The following RPRD1B variants were observed in gnomAD, a reference collection of about 807,000 sequenced individuals.
RPRD1B encodes the protein regulation of nuclear pre-mRNA domain-containing protein 1B.
RPRD1B carries 11 observed loss-of-function variants against 41.5 expected under a neutral mutation model. The observed-to-expected ratio is 0.27, with a 90% CI of 0.17 to 0.44. The LOEUF is 0.44. Among genes scored for constraint, RPRD1B ranks in the 20% least tolerant of loss-of-function variants. The pLI is 1.00. For synonymous variants in RPRD1B, 158 were observed against 155.6 expected (o/e 1.02, Z -0.12); for missense variants, 248 against 389.9 (o/e 0.64, Z 3.06).
At position 38,090,751 on chromosome 20, in the gene RPRD1B, G is replaced by T; in HGVS notation, c.*876G>T. 3.0e-6 allele frequency: 3 copies of T among 985,526 alleles called. No homozygotes were observed. Among genetic ancestry groups the T allele is most frequent in the Non-Finnish European group, 3.6e-6 (3 of 829,976 alleles). The allele number at this position is 985,526 out of a possible 1,614,324, so 61.0% of individuals were successfully genotyped here. A position where few individuals can be genotyped will look rare whatever the true frequency, so the allele number is the denominator to read the frequency against. On this transcript the variant is annotated 3_prime_UTR_variant, in exon 7 of 7. Transcript: ENST00000373433. ...CCCACACACAGGTGTGCTGCATTTG[G>T]GATCTGTGTGGGTGTTTCTTGGACC...
At position 38,059,529 on chromosome 20, in the gene RPRD1B, G is replaced by A. The variant is rs1442269658; in HGVS notation, c.655+9G>A. 2 of 1,613,400 alleles carry A rather than the reference G, an allele frequency of 1.2e-6. No homozygotes were observed. Among genetic ancestry groups the A allele is most frequent in the Non-Finnish European group, 1.7e-6 (2 of 1,179,622 alleles). Reference sequence around the variant, plus strand: ...ATTGGAAAAAATAACAGGTGAGAAGGTAGAGTTTGGGTGAAAGGTGAGGAG... The same window carrying A: ...ATTGGAAAAAATAACAGGTGAGAAGATAGAGTTTGGGTGAAAGGTGAGGAG... On this transcript the variant is annotated intron_variant, in intron 5 of 6. Coordinates refer to ENST00000373433, the MANE Select transcript of RPRD1B (RefSeq NM_021215.4).
At chr20:38,049,666 C>T (rs540392292) in intron 3 of RPRD1B, 18 of 468,626 alleles carry the variant, frequency 3.8e-5, no homozygotes, top group Non-Finnish European at 7.1e-5. Flanking sequence ...CCTCACCTGG[C>T]CTATTTTTTT....
intron 6 of RPRD1B, among the ~76,000 whole-genome samples, chr20:38,088,719 C>G (rs943393000): frequency 6.6e-6 from 1 of 152,202 alleles, no homozygotes; most frequent in African/African-American, 2.4e-5. Context: ...GATTCATATT[C>G]TAGAGGAACA....
chr20:38,078,696 G>A (rs2074487103), intron 6 of RPRD1B, among the ~76,000 whole-genome samples: 2 of 152,128 alleles, frequency 1.3e-5, no homozygotes, highest in Non-Finnish European at 1.5e-5. Flanking sequence ...TGCCTTTGAT[G>A]GGGACTCTTT....
rs1217411604 is a variant in RPRD1B, at chr20:38,090,120, C to T, written c.*245C>T. ...AGACTACAGACTTTTTCTCCCACTT[C>T]ATATTTTCATGCCCCCCTGTTGGTT... On this transcript the variant is annotated 3_prime_UTR_variant, in exon 7 of 7. Coordinates refer to ENST00000373433, the MANE Select transcript of RPRD1B (RefSeq NM_021215.4). 3 of 1,211,414 alleles carry T rather than the reference C, an allele frequency of 2.5e-6. No individual in the cohort carries two copies. The highest frequency in any genetic ancestry group is 3.1e-6 in the Non-Finnish European group (3 of 971,038). 75.0% of individuals were successfully genotyped at this position (1,211,414 alleles called of 1,614,324 possible). A position where few individuals can be genotyped will look rare whatever the true frequency, so the allele number is the denominator to read the frequency against.
chr20:38,059,676 T>G (rs562009223), intron 5 of RPRD1B, among the ~76,000 whole-genome samples, 156 bp downstream of exon 5: 1 of 152,272 alleles, frequency 6.6e-6, no homozygotes, highest in African/African-American at 2.4e-5. Context: ...ACTCACATGG[T>G]GAACAAAGAA....
At chr20:38,069,813 C>G (rs1049615000) in intron 6 of RPRD1B, among the ~76,000 whole-genome samples, 1 of 152,164 alleles carries the variant, frequency 6.6e-6, no homozygotes, top group African/African-American at 2.4e-5. Context: ...ATAATTTGAT[C>G]AGATGCTTAT....
intron 5 of RPRD1B, among the ~76,000 whole-genome samples, chr20:38,060,252 G>C (rs1328448682): frequency 1.3e-5 from 2 of 152,184 alleles, no homozygotes; most frequent in Non-Finnish European, 2.9e-5. Context: ...AATCTAGGCT[G>C]CAAAGCCTAT....
chr20:38,075,114 G>C (rs1334993123), intron 6 of RPRD1B, among the ~76,000 whole-genome samples: 1 of 152,174 alleles, frequency 6.6e-6, no homozygotes. Context: ...TCTTCCTGTA[G>C]ATTTCTAGAA....
chr20:38,088,681 A>G (rs968615805), intron 6 of RPRD1B, among the ~76,000 whole-genome samples: 1 of 152,250 alleles, frequency 6.6e-6, no homozygotes, highest in South Asian at 2.1e-4. Flanking sequence ...GGAAAGAAAA[A>G]AAATATGCCC....
chr20:38,042,916 T>G (rs1224704064), intron 2 of RPRD1B, among the ~76,000 whole-genome samples: 1 of 152,232 alleles, frequency 6.6e-6, no homozygotes, highest in Non-Finnish European at 1.5e-5. Context: ...AGGATAGATT[T>G]GATTTGAATA....
Position 38,089,851 on chromosome 20 carries a change from T to C in RPRD1B, c.957T>C (p.Ala319=), listed in dbSNP as rs2074597736. 2 of 1,613,876 alleles carry C rather than the reference T, an allele frequency of 1.2e-6. No homozygotes were observed. Among genetic ancestry groups the C allele is most frequent in the Admixed American group, 1.7e-5 (1 of 59,950 alleles). ...GGGGCTTAGCCCCCCTGCCCTCTGCTGGGGACCTGTTTTCAACTGACTAGG... is the reference window on the plus strand; with the variant it reads ...GGGGCTTAGCCCCCCTGCCCTCTGCCGGGGACCTGTTTTCAACTGACTAGG... ...VTGGLAPLPS[A]GDLFSTD Residue 319 remains alanine (A), a synonymous_variant, in exon 7 of 7, where the codon GCT becomes GCC. Transcript: ENST00000373433.
chr20:38,068,240 C>T (rs572709946), intron 6 of RPRD1B, among the ~76,000 whole-genome samples: 49 of 152,270 alleles, frequency 3.2e-4, no homozygotes, highest in African/African-American at 1.1e-3. Flanking sequence ...GCTGAAGAAG[C>T]GGAACAGAAA....
intron 6 of RPRD1B, chr20:38,070,738 ATTT>A (rs201175296): frequency 4.1e-4 from 366 of 887,378 alleles, no homozygotes; most frequent in Middle Eastern, 1.2e-3. Flanking sequence ...CTTAACTGTG[ATTT>A]TTTTTTTTTT....
In RPRD1B at chr20:38,040,416, T is replaced by A; in HGVS notation, c.152-19T>A. ...ATTTCTTTGGTGTAAGTTAAATTCT[T>A]TTCTTTTCTTTTTTTCAGCCAAATC... On this transcript the variant is annotated intron_variant, in intron 1 of 6. Coordinates refer to ENST00000373433, the MANE Select transcript of RPRD1B (RefSeq NM_021215.4). 2 of 1,567,948 alleles carry A rather than the reference T, an allele frequency of 1.3e-6. No homozygotes were observed. The highest frequency in any genetic ancestry group is 1.2e-5 in the South Asian group (1 of 84,326).
intron 6 of RPRD1B, among the ~76,000 whole-genome samples, chr20:38,073,116 G>A (rs934706753): frequency 6.6e-6 from 1 of 152,186 alleles, no homozygotes; most frequent in Non-Finnish European, 1.5e-5. Context: ...AACATCAACA[G>A]CAGGAAGACA....
At chr20:38,055,355 A>G (rs1300906457) in intron 3 of RPRD1B, among the ~76,000 whole-genome samples, 2 of 152,226 alleles carry the variant, frequency 1.3e-5, no homozygotes, top group African/African-American at 4.8e-5. Flanking sequence ...TGGCTTTGCA[A>G]GTTGTCATAC....
chr20:38,071,147 G>C (rs2074409628), intron 6 of RPRD1B, among the ~76,000 whole-genome samples: 1 of 152,228 alleles, frequency 6.6e-6, no homozygotes, highest in Non-Finnish European at 1.5e-5. Context: ...AAGATGATAT[G>C]CCACACAGGG....
intron 2 of RPRD1B, among the ~76,000 whole-genome samples, chr20:38,042,740 T>C (rs1400336451): frequency 1.3e-5 from 2 of 152,194 alleles, no homozygotes; most frequent in African/African-American, 4.8e-5. Flanking sequence ...AATTAACATA[T>C]ACTTTCTGTG....
Sources: allele counts gnomAD v4.1 joint callset (sites outside exome capture counted in the v4.1 genomes callset), GRCh38; gene constraint gnomAD v4.1.1; transcripts MANE v1.5; gene names NCBI Gene and HGNC (gene_info 2026-07-23, HGNC 2026-07-21).